ABI3BP: variants seen among roughly 807,000 people sequenced by gnomAD.
ABI3BP encodes target of Nesh-SH3.
ABI3BP carries 216 observed loss-of-function variants against 268.6 expected under a neutral mutation model. The ratio of observed to expected loss-of-function variants is 0.80; its 90% confidence interval spans 0.72 to 0.90. ABI3BP has a LOEUF of 0.90. Among genes scored for constraint, ABI3BP ranks in the 40% least tolerant of loss-of-function variants. The pLI is 0.00. For synonymous variants in ABI3BP, 730 were observed against 730.0 expected (o/e 1.00, Z 0.00); for missense variants, 2,090 against 2,182.4 (o/e 0.96, Z 0.84).
At chr3:100,844,451 C>T in intron 20 of ABI3BP, 25 of 985,292 alleles carry the variant, frequency 2.5e-5, no homozygotes, top group Non-Finnish European at 3.0e-5. Context: ...TTGACTTAAC[C>T]ACCAAGCAAA....
intron 1 of ABI3BP, among the ~76,000 whole-genome samples, chr3:100,937,131 A>T (rs1194123427): frequency 6.6e-6 from 1 of 152,042 alleles, no homozygotes; most frequent in South Asian, 2.1e-4. Flanking sequence ...GTCATTAGGG[A>T]AATGCAAATT....
intron 1 of ABI3BP, among the ~76,000 whole-genome samples, chr3:100,978,286 G>A (rs1300013243): frequency 6.6e-6 from 1 of 152,208 alleles, no homozygotes; most frequent in Non-Finnish European, 1.5e-5. Context: ...CAAAATGACA[G>A]AAAACATTCA....
intron 1 of ABI3BP, among the ~76,000 whole-genome samples, chr3:100,976,470 G>A (rs1326369034): frequency 6.6e-6 from 1 of 152,088 alleles, no homozygotes. Context: ...CCTCAGTTTA[G>A]CATTTATTAC....
intron 2 of ABI3BP, among the ~76,000 whole-genome samples, chr3:100,915,726 G>A (rs2058391116): frequency 6.6e-6 from 1 of 152,144 alleles, no homozygotes; most frequent in Non-Finnish European, 1.5e-5. Context: ...CAGAATGCAA[G>A]GTCCTTTAAG....
chr3:100,907,376 C>T (rs761169909), intron 2 of ABI3BP, among the ~76,000 whole-genome samples: 1 of 152,072 alleles, frequency 6.6e-6, no homozygotes, highest in Non-Finnish European at 1.5e-5. Context: ...CACCTGTAGT[C>T]CCAGCTACTC....
At chr3:100,818,887 A>G (rs927773004) in intron 40 of ABI3BP, among the ~76,000 whole-genome samples, 3 of 152,228 alleles carry the variant, frequency 2.0e-5, no homozygotes, top group Non-Finnish European at 4.4e-5. Context: ...TGCCAAATAT[A>G]TACTTATTTA....
At chr3:100,771,393 T>C (rs2096540255) in intron 61 of ABI3BP, among the ~76,000 whole-genome samples, 1 of 150,916 alleles carries the variant, frequency 6.6e-6, no homozygotes, top group Non-Finnish European at 1.5e-5. Flanking sequence ...CTAGGAATAA[T>C]TAAAAAAAAA....
At chr3:100,961,052 G>A (rs902423397) in intron 1 of ABI3BP, among the ~76,000 whole-genome samples, 12 of 152,172 alleles carry the variant, frequency 7.9e-5, no homozygotes, top group Non-Finnish European at 1.8e-4. Context: ...ATTTGTCATG[G>A]CTGCAATAGA....
chr3:100,932,084 C>T (rs1186721530), intron 1 of ABI3BP, among the ~76,000 whole-genome samples: 4 of 150,552 alleles, frequency 2.7e-5, no homozygotes, highest in Admixed American at 1.3e-4. Flanking sequence ...TCAACAAAGC[C>T]GAAAAAAAAC....
intron 14 of ABI3BP, among the ~76,000 whole-genome samples, chr3:100,861,071 C>T (rs1054248491): frequency 1.3e-5 from 2 of 152,144 alleles, no homozygotes; most frequent in African/African-American, 2.4e-5. Flanking sequence ...GGGGTTTTTG[C>T]ACCCACTTTA....
intron 9 of ABI3BP, among the ~76,000 whole-genome samples, chr3:100,873,982 G>C (rs1256187641): frequency 6.6e-6 from 1 of 152,146 alleles, no homozygotes; most frequent in Non-Finnish European, 1.5e-5. Flanking sequence ...AATACATTCT[G>C]TATTCTTAAG....
intron 2 of ABI3BP, chr3:100,912,016 T>C: frequency 2.6e-6 from 2 of 766,726 alleles, no homozygotes; most frequent in South Asian, 2.9e-5. Flanking sequence ...GTCAATTGTA[T>C]AAACAACTTC....
intron 1 of ABI3BP, among the ~76,000 whole-genome samples, chr3:100,948,985 T>A (rs2576382): frequency 0.87 from 131,880 of 152,196 alleles, 57,244 homozygotes; most frequent in East Asian, 1. Flanking sequence ...AGATAAATCT[T>A]CTGTAAACAT....
chr3:100,845,977 C>G (rs1366145969), intron 20 of ABI3BP, among the ~76,000 whole-genome samples: 1 of 151,850 alleles, frequency 6.6e-6, no homozygotes, highest in Non-Finnish European at 1.5e-5. Context: ...GGTCTTCTAG[C>G]CTGAGAACTG....
At chr3:100,797,728 A>G (rs116765305) in intron 51 of ABI3BP, among the ~76,000 whole-genome samples, 2,258 of 152,190 alleles carry the variant, frequency 0.015, 40 homozygotes, top group African/African-American at 0.045. Flanking sequence ...TAGTGAAATT[A>G]CAATTGTGAA....
chr3:100,837,243 G>A, intron 26 of ABI3BP, 72 bp from the exon 27 acceptor site: 4 of 1,224,862 alleles, frequency 3.3e-6, no homozygotes, highest in Non-Finnish European at 4.5e-6. Flanking sequence ...GCTCATTGGT[G>A]TTTAATTCAG....
At chr3:100,855,770 A>G (rs1198139046) in intron 14 of ABI3BP, among the ~76,000 whole-genome samples, 1 of 152,266 alleles carries the variant, frequency 6.6e-6, no homozygotes, top group Non-Finnish European at 1.5e-5. Context: ...ATTCTAAAAA[A>G]AATATATGAA....
chr3:100,824,385 T>A (rs2098323579), intron 36 of ABI3BP, among the ~76,000 whole-genome samples: 1 of 152,282 alleles, frequency 6.6e-6, no homozygotes, highest in East Asian at 1.9e-4. Flanking sequence ...TCTTTTGAGA[T>A]AAAACACAAA....
At position 100,793,057 on chromosome 3, in the gene ABI3BP, C is replaced by A. The variant is rs910159894; in HGVS notation, c.3947-289G>T. Among the ~76,000 whole-genome samples, 68 of 151,738 alleles carry A rather than the reference C, an allele frequency of 4.5e-4. 2 individuals are homozygous for A. Among genetic ancestry groups the A allele is most frequent in the Admixed American group, 1.3e-4 (2 of 15,178 alleles). On this transcript the variant is annotated intron_variant, in intron 54 of 67. Coordinates refer to ENST00000471714, the MANE Select transcript of ABI3BP (RefSeq NM_001375547.2). ...TAGTTGTGGCTATTCTTGGATATGG[C>A]TCATGTATGAAAGTCTCCTAGTTGC...
Sources: gnomAD v4.1 joint callset for allele counts (sites outside exome capture counted in the v4.1 genomes callset) on GRCh38, gnomAD v4.1.1 for gene constraint, MANE v1.5 for transcripts, NCBI Gene and HGNC (gene_info 2026-07-23, HGNC 2026-07-21) for gene names.